PDS5A: variants seen among roughly 807,000 people sequenced by gnomAD.
PDS5A encodes the protein sister chromatid cohesion protein PDS5 homolog A.
In PDS5A, 42 loss-of-function variants were observed where a neutral mutation model predicts 167.1. The ratio of observed to expected loss-of-function variants is 0.25; its 90% CI spans 0.20 to 0.33. PDS5A has a LOEUF of 0.33. Ranked by LOEUF, PDS5A falls within the 10% of genes least tolerant of loss-of-function variation. The pLI, the probability that PDS5A is intolerant of heterozygous loss-of-function variation, is 1.00. For missense variants in PDS5A, 1,033 were observed against 1,605.9 expected (o/e 0.64, Z 6.10); for synonymous variants, 553 against 554.6 (o/e 1.00, Z 0.04).
At chr4:39,896,979 G>A (rs1234610849) in intron 16 of PDS5A, among the ~76,000 whole-genome samples, 3 of 151,360 alleles carry the variant, frequency 2.0e-5, no homozygotes, top group African/African-American at 7.3e-5. Flanking sequence ...GTATACATGT[G>A]TCATGGTAGT....
In PDS5A at chr4:39,957,478, CT is replaced by C. The variant is rs375222983; in HGVS notation, c.138+18961del. On this transcript the variant is annotated intron_variant, in intron 2 of 32. Coordinates refer to ENST00000303538, the MANE Select transcript of PDS5A (RefSeq NM_001100399.2). Reference sequence around the variant, plus strand: ...ATAATCTCAGCAACAAACAAATTTACTCAGACAGCATCAATTAGAAATGGAT... The same window carrying C: ...ATAATCTCAGCAACAAACAAATTTACCAGACAGCATCAATTAGAAATGGAT... Among the ~76,000 whole-genome samples, 124 of 152,218 alleles carry C rather than the reference CT, an allele frequency of 8.1e-4. 6 individuals are homozygous for C. In the East Asian group the frequency reaches 0.016, roughly 20 times the overall value.
intron 2 of PDS5A, among the ~76,000 whole-genome samples, chr4:39,948,210 C>CAAAAAAAAAAAAAAAAAAA (rs35177594): frequency 1.0e-5 from 1 of 96,458 alleles, no homozygotes; most frequent in Non-Finnish European, 2.0e-5. Context: ...TATCCCGTCT[C>CAAAAAAAAAAAAAAAAAAA]AAAAAAAAAA....
intron 32 of PDS5A, among the ~76,000 whole-genome samples, chr4:39,832,435 G>A (rs1011822559): frequency 1.3e-5 from 2 of 151,838 alleles, no homozygotes; most frequent in Non-Finnish European, 2.9e-5. Flanking sequence ...GGATGGTCTC[G>A]ATCTCCTGAC....
intron 2 of PDS5A, among the ~76,000 whole-genome samples, chr4:39,930,815 G>T (rs1725990821): frequency 6.6e-6 from 1 of 152,024 alleles, no homozygotes; most frequent in South Asian, 2.1e-4. Context: ...AATCATAACG[G>T]AAATGAGAAA....
chr4:39,904,370 A>G (rs1482632318), intron 11 of PDS5A, among the ~76,000 whole-genome samples, 179 bp from the exon 12 acceptor site: 7 of 151,972 alleles, frequency 4.6e-5, no homozygotes, highest in Admixed American at 4.6e-4. Context: ...ACGGAGTCTC[A>G]CTCTGTCGCC....
chr4:39,954,054 G>A (rs1356057382), intron 2 of PDS5A, among the ~76,000 whole-genome samples: 1 of 151,920 alleles, frequency 6.6e-6, no homozygotes, highest in Non-Finnish European at 1.5e-5. Context: ...GAAACAATGG[G>A]ATGAGGCAGG....
chr4:39,938,018 G>A (rs1175085881), intron 2 of PDS5A, among the ~76,000 whole-genome samples: 1 of 152,182 alleles, frequency 6.6e-6, no homozygotes, highest in Non-Finnish European at 1.5e-5. Flanking sequence ...CAATCACACA[G>A]AATTGTGGCC....
intron 28 of PDS5A, chr4:39,848,039 A>T (rs937251762): frequency 2.0e-5 from 3 of 152,142 alleles, no homozygotes; most frequent in African/African-American, 7.2e-5. Context: ...TGTGCTCCTT[A>T]TGAGAATCTA....
At chr4:39,910,757 G>A in intron 9 of PDS5A, among the ~76,000 whole-genome samples, 1 of 152,212 alleles carries the variant, frequency 6.6e-6, no homozygotes, top group South Asian at 2.1e-4. Flanking sequence ...CACTTTGGGA[G>A]GCGGAGACAG....
intron 2 of PDS5A, among the ~76,000 whole-genome samples, chr4:39,966,531 G>GA (rs1484576093): frequency 1.8e-4 from 28 of 152,124 alleles, no homozygotes; most frequent in African/African-American, 5.3e-4. Flanking sequence ...CACCTGGTGG[G>GA]AAAAAACGAG....
intron 17 of PDS5A, among the ~76,000 whole-genome samples, chr4:39,880,611 TAAA>T (rs1039593780): frequency 6.6e-6 from 1 of 152,018 alleles, no homozygotes; most frequent in Non-Finnish European, 1.5e-5. Context: ...AAGTATTCAT[TAAA>T]AAAAATTTAA....
chr4:39,887,164 T>C (rs939975356), intron 17 of PDS5A, among the ~76,000 whole-genome samples: 28 of 152,206 alleles, frequency 1.8e-4, no homozygotes, highest in African/African-American at 6.8e-4. Flanking sequence ...ATAAAGGTGG[T>C]AGAAGTGGCT....
chr4:39,910,850 G>A (rs1723817748), intron 9 of PDS5A, among the ~76,000 whole-genome samples: 1 of 152,052 alleles, frequency 6.6e-6, no homozygotes, highest in African/African-American at 2.4e-5. Context: ...CAAAAATTAG[G>A]CAGGCATGGT....
chr4:39,871,931 C>A (rs1720070982), intron 21 of PDS5A, among the ~76,000 whole-genome samples: 1 of 152,032 alleles, frequency 6.6e-6, no homozygotes, highest in Non-Finnish European at 1.5e-5. Flanking sequence ...GTCTTGAACT[C>A]CTGACCTCAG....
chr4:39,901,266 CTT>C (rs772230554), intron 13 of PDS5A, among the ~76,000 whole-genome samples: 7 of 121,284 alleles, frequency 5.8e-5, no homozygotes, highest in Admixed American at 9.0e-5. Flanking sequence ...TCTTTTCTTT[CTT>C]TTTTTTTTTT....
intron 26 of PDS5A, among the ~76,000 whole-genome samples, chr4:39,851,800 A>G (rs910972052): frequency 6.6e-6 from 1 of 152,370 alleles, no homozygotes. Flanking sequence ...ATTTGTTTAT[A>G]TAAACACTGA....
chr4:39,945,724 A>T (rs893114444), intron 2 of PDS5A, among the ~76,000 whole-genome samples: 2 of 149,868 alleles, frequency 1.3e-5, no homozygotes, highest in Non-Finnish European at 3.0e-5. Flanking sequence ...GGGAGCATCT[A>T]GCAACTTAAT....
At chr4:39,860,201 T>C (rs755049538) in intron 26 of PDS5A, among the ~76,000 whole-genome samples, 3 of 152,032 alleles carry the variant, frequency 2.0e-5, no homozygotes, top group Admixed American at 1.3e-4. Context: ...CAGTGGCTCA[T>C]GCCTGCAATC....
In PDS5A at chr4:39,823,651, T is replaced by TA. The variant is rs995174322; in HGVS notation, c.*1833dup. On this transcript the variant is annotated 3_prime_UTR_variant, in exon 33 of 33. Transcript: ENST00000303538. ...GACTTCTCTGATACTTATGCATAGATACTCTTTTTCAGCATGTTGGAGGCA... is the reference window on the plus strand; with the variant it reads ...GACTTCTCTGATACTTATGCATAGATAACTCTTTTTCAGCATGTTGGAGGCA... 4.6e-5 allele frequency: 7 copies of TA among 152,612 alleles called. No individual in the cohort carries two copies. Among genetic ancestry groups the TA allele is most frequent in the African/African-American group, 1.4e-4 (6 of 41,442 alleles). The allele number at this position is 152,612 out of a possible 1,614,324, so 9.5% of individuals were successfully genotyped here. A position where few individuals can be genotyped will look rare whatever the true frequency, so the allele number is the denominator to read the frequency against.
Sources: allele counts gnomAD v4.1 joint callset (sites outside exome capture counted in the v4.1 genomes callset), GRCh38; gene constraint gnomAD v4.1.1; transcripts MANE v1.5; gene names NCBI Gene and HGNC (gene_info 2026-07-23, HGNC 2026-07-21).